KIAA1217: variants seen among roughly 807,000 people sequenced by gnomAD.
KIAA1217 encodes the protein KIAA1217, also known as sickle tail protein homolog.
KIAA1217 carries 88 observed loss-of-function variants against 163.9 expected under a neutral mutation model. The observed-to-expected ratio is 0.54, with a 90% CI of 0.45 to 0.64. The LOEUF (loss-of-function observed/expected upper bound fraction) is 0.64, where lower values mean the gene tolerates loss of function less well. Among genes scored for constraint, KIAA1217 ranks in the 30% least tolerant of loss-of-function variants. The pLI, the probability that KIAA1217 is intolerant of heterozygous loss-of-function variation, is 0.00. For missense variants in KIAA1217, 2,372 were observed against 2,475.0 expected, an observed-to-expected ratio of 0.96 and a Z score of 0.88; for synonymous variants, 903 against 923.1, an observed-to-expected ratio of 0.98 and a Z score of 0.39.
intron 3 of KIAA1217, among the ~76,000 whole-genome samples, chr10:24,428,351 G>T (rs75841408): frequency 2.0e-5 from 3 of 152,130 alleles, no homozygotes; most frequent in Non-Finnish European, 2.9e-5. Context: ...GGTATTCTCC[G>T]CATTCTGAGG....
chr10:24,024,444 TGG>T (rs1385382505), intron 2 of KIAA1217, among the ~76,000 whole-genome samples: 3 of 151,766 alleles, frequency 2.0e-5, no homozygotes, highest in Non-Finnish European at 4.4e-5. Flanking sequence ...TAGTATTATA[TGG>T]GCATTATTTT....
At chr10:24,065,824 T>G (rs936270856) in intron 2 of KIAA1217, among the ~76,000 whole-genome samples, 2 of 152,216 alleles carry the variant, frequency 1.3e-5, no homozygotes, top group Non-Finnish European at 2.9e-5. Flanking sequence ...ATCTGAGTGC[T>G]CCTGTATTGG....
chr10:24,119,274 G>A (rs543347223), intron 2 of KIAA1217, among the ~76,000 whole-genome samples: 17 of 152,278 alleles, frequency 1.1e-4, no homozygotes, highest in African/African-American at 3.6e-4. Context: ...TCTGAAAAGA[G>A]CATTGTTGCC....
intron 2 of KIAA1217, among the ~76,000 whole-genome samples, chr10:24,379,037 A>G (rs1373426937): frequency 6.6e-6 from 1 of 152,218 alleles, no homozygotes; most frequent in Non-Finnish European, 1.5e-5. Context: ...AGCTATAAAG[A>G]TGACCAAAAG....
intron 1 of KIAA1217, among the ~76,000 whole-genome samples, chr10:23,981,958 G>C (rs1302702406): frequency 6.6e-6 from 1 of 151,946 alleles, no homozygotes; most frequent in African/African-American, 2.4e-5. Context: ...GAAAATGATG[G>C]TACGTTAAAC....
At chr10:24,169,499 T>C (rs1366647020) in intron 2 of KIAA1217, among the ~76,000 whole-genome samples, 2 of 152,110 alleles carry the variant, frequency 1.3e-5, no homozygotes, top group Non-Finnish European at 2.9e-5. Context: ...AGGCTATCTC[T>C]GTGAGGATAG....
intron 3 of KIAA1217, among the ~76,000 whole-genome samples, chr10:24,389,941 C>A (rs2054613106): frequency 6.6e-6 from 1 of 152,236 alleles, no homozygotes; most frequent in East Asian, 1.9e-4. Flanking sequence ...AGGTGAGGCC[C>A]AACTCTGCAT....
chr10:24,277,374 A>G (rs991378276), intron 2 of KIAA1217, among the ~76,000 whole-genome samples: 13 of 152,118 alleles, frequency 8.5e-5, no homozygotes, highest in African/African-American at 2.9e-4. Context: ...GCGGCTTCCT[A>G]GAGGGAAGCC....
chr10:23,935,858 C>T (rs1344753154), intron 1 of KIAA1217, among the ~76,000 whole-genome samples: 2 of 152,010 alleles, frequency 1.3e-5, no homozygotes, highest in Non-Finnish European at 1.5e-5. Flanking sequence ...TAACTGAAGC[C>T]CACCTAATGG....
intron 1 of KIAA1217, among the ~76,000 whole-genome samples, chr10:23,784,158 AT>A (rs1835383079): frequency 6.6e-6 from 1 of 152,072 alleles, no homozygotes; most frequent in East Asian, 1.9e-4. Flanking sequence ...TACTTTCTTA[AT>A]GAATTGACCC....
At chr10:24,183,264 A>T (rs779333190) in intron 2 of KIAA1217, among the ~76,000 whole-genome samples, 7 of 152,340 alleles carry the variant, frequency 4.6e-5, no homozygotes, top group South Asian at 2.1e-4. Context: ...TAAATTACCC[A>T]GTTTCAGGTA....
At chr10:24,192,422 G>C (rs993492644) in intron 2 of KIAA1217, among the ~76,000 whole-genome samples, 1 of 152,150 alleles carries the variant, frequency 6.6e-6, no homozygotes, top group Non-Finnish European at 1.5e-5. Flanking sequence ...TGCTTCTGCT[G>C]TTTTCTCAAT....
intron 2 of KIAA1217, among the ~76,000 whole-genome samples, chr10:24,354,881 G>A (rs2048890848): frequency 6.6e-6 from 1 of 152,296 alleles, no homozygotes; most frequent in South Asian, 2.1e-4. Context: ...TTCCCATTTA[G>A]GGCCATGGGT....
rs576095387 is a variant in KIAA1217, at chr10:24,354,226, G to A, written c.355-26643G>A. ...ATTAGCCCTGAAATGGAACTGTCCA[G>A]AATAGTATTTGTGAAATGGCAGAGT... is the stretch of plus-strand genomic sequence containing the variant. On this transcript the variant is annotated intron_variant, in intron 2 of 20. Coordinates refer to ENST00000376454, the MANE Select transcript of KIAA1217 (RefSeq NM_019590.5). 1.4e-4 allele frequency among the ~76,000 whole-genome samples: 21 copies of A among 152,324 alleles called. No homozygotes were observed. In the South Asian group the frequency reaches 4.1e-3, roughly 30 times the overall value.
At chr10:24,293,695 G>A (rs906569707) in intron 2 of KIAA1217, among the ~76,000 whole-genome samples, 3 of 152,194 alleles carry the variant, frequency 2.0e-5, no homozygotes, top group African/African-American at 7.2e-5. Flanking sequence ...CTTGTTGCCT[G>A]TTCTTAAGGT....
At chr10:23,848,012 T>C (rs1287472743) in intron 1 of KIAA1217, among the ~76,000 whole-genome samples, 1 of 152,172 alleles carries the variant, frequency 6.6e-6, no homozygotes, top group Non-Finnish European at 1.5e-5. Flanking sequence ...TCAGTTTCCA[T>C]GTAGTTGTGC....
intron 2 of KIAA1217, among the ~76,000 whole-genome samples, chr10:24,225,277 C>T (rs2070361982): frequency 6.6e-6 from 1 of 152,132 alleles, no homozygotes; most frequent in Non-Finnish European, 1.5e-5. Context: ...CACACGTCAC[C>T]ACTTCTGGCC....
intron 2 of KIAA1217, among the ~76,000 whole-genome samples, chr10:24,265,430 T>G (rs1443061449): frequency 6.6e-6 from 1 of 152,216 alleles, no homozygotes; most frequent in Admixed American, 6.5e-5. Flanking sequence ...TAATCCCACA[T>G]GTACTGCCCT....
Position 24,473,868 on chromosome 10 carries a change from C to A in KIAA1217, c.1487C>A (p.Pro496His). ...MHAHYNAHGP[P>H]HTMQPDRASP... ...GCTCACTATAATGCCCACGGCCCCC[C>A]TCACACCATGCAGCCAGACCGGGCC... The change falls in exon 6 of 21, where the codon CCT becomes CAT. Residue 496 changes from proline (P) to histidine (H), a missense_variant. Coordinates refer to ENST00000376454, the MANE Select transcript of KIAA1217 (RefSeq NM_019590.5). 6.2e-7 allele frequency: 1 copy of A among 1,614,170 alleles called. No individual in the cohort carries two copies. Among genetic ancestry groups the A allele is most frequent in the Non-Finnish European group, 8.5e-7 (1 of 1,180,036 alleles).
Sources: allele counts gnomAD v4.1 joint callset (sites outside exome capture counted in the v4.1 genomes callset), GRCh38; gene constraint gnomAD v4.1.1; transcripts MANE v1.5; gene names NCBI Gene and HGNC (gene_info 2026-07-23, HGNC 2026-07-21).